Variants in DAB1 observed in about 807,000 individuals in gnomAD.
DAB1 encodes the protein DAB adaptor protein 1.
A neutral mutation model predicts 64.6 loss-of-function variants in DAB1; 15 were observed. The ratio of observed to expected loss-of-function variants is 0.23; its 90% CI spans 0.16 to 0.36. The LOEUF is 0.36. DAB1 is among the 10% of genes least tolerant of loss of function. The probability of loss-of-function intolerance (pLI) is 1.00; values close to 1 mark genes in which losing one functional copy is unlikely to be tolerated. For missense variants in DAB1, 596 were observed against 706.7 expected (o/e 0.84, Z 1.78); for synonymous variants, 235 against 251.9 (o/e 0.93, Z 0.64).
intron 6 of DAB1, among the ~76,000 whole-genome samples, chr1:57,707,932 G>C (rs1646987134): frequency 6.6e-6 from 1 of 152,004 alleles, no homozygotes; most frequent in Non-Finnish European, 1.5e-5. Flanking sequence ...TGGGTTACCA[G>C]GCAAAGTTAC....
chr1:57,797,425 ACTTCCCGT>A lies in DAB1; in HGVS notation n.551+86566_551+86573del, dbSNP rs781277485. On this transcript the variant is annotated intron_variant and non_coding_transcript_variant, in intron 6 of 20. Coordinates refer to the DAB1 transcript ENST00000485760. The stretch of plus-strand genomic sequence containing the variant: ...CTTTGCAAGTCAAGAGATTAATAAT[ACTTCCCGT>A]CTTTCTCTTCACGTTCTTCTATAAC... 2.2e-3 allele frequency among the ~76,000 whole-genome samples: 328 copies of A among 152,352 alleles called. 1 individual carries two copies. Among genetic ancestry groups the A allele is most frequent in the Non-Finnish European group, 3.9e-3 (268 of 68,036 alleles).
At chr1:58,354,655 A>G (rs1644092036) in intron 3 of DAB1, among the ~76,000 whole-genome samples, 1 of 152,182 alleles carries the variant, frequency 6.6e-6, no homozygotes, top group African/African-American at 2.4e-5. Context: ...CTAGGAGGAC[A>G]CAGAGGAGGA....
intron 7 of DAB1, among the ~76,000 whole-genome samples, chr1:57,485,770 G>C (rs79427710): frequency 0.012 from 1,902 of 152,338 alleles, 30 homozygotes; most frequent in African/African-American, 0.037. Context: ...CACTGGTGTA[G>C]AGCATGCACT....
chr1:57,365,997 A>G (rs1417600940), intron 1 of DAB1, among the ~76,000 whole-genome samples: 7 of 152,224 alleles, frequency 4.6e-5, no homozygotes, highest in Non-Finnish European at 1.0e-4. Flanking sequence ...ATCTCCTGAT[A>G]TATACAATAG....
chr1:57,011,756 CA>C (rs768840805), intron 12 of DAB1, among the ~76,000 whole-genome samples: 1 of 152,200 alleles, frequency 6.6e-6, no homozygotes, highest in South Asian at 2.1e-4. Context: ...ACTTTACAGA[CA>C]ATATCTCTAA....
chr1:58,409,685 C>T (rs1175283428), intron 3 of DAB1, among the ~76,000 whole-genome samples: 1 of 152,162 alleles, frequency 6.6e-6, no homozygotes, highest in African/African-American at 2.4e-5. Flanking sequence ...CCTCTCTAGA[C>T]CTCATTTTTA....
intron 9 of DAB1, among the ~76,000 whole-genome samples, chr1:57,027,695 T>C (rs1216931527): frequency 1.3e-5 from 2 of 152,212 alleles, no homozygotes. Context: ...CTTTCTTTGA[T>C]GTTTGGTTAA....
rs1044498534 is a variant in DAB1 at position 57,365,362 on chromosome 1, A to G, written c.-137+58568T>C. ...ATATATAAATATATATTTATATATT[A>G]TATATAATATATTTATATGTATTAC... On this transcript the variant is annotated intron_variant, in intron 1 of 14. Coordinates refer to ENST00000371236, the MANE Select transcript of DAB1 (RefSeq NM_001365792.1). Among the ~76,000 whole-genome samples, 7 of 143,738 alleles carry G rather than the reference A, an allele frequency of 4.9e-5. No individual in the cohort carries two copies. In the East Asian group the frequency reaches 7.9e-4, roughly 16 times the overall value. 94.3% of individuals were successfully genotyped at this position (143,738 alleles called of 152,430 possible).
intron 6 of DAB1, among the ~76,000 whole-genome samples, chr1:57,809,921 T>C (rs1032038797): frequency 6.6e-6 from 1 of 152,120 alleles, no homozygotes; most frequent in Non-Finnish European, 1.5e-5. Flanking sequence ...CAAAACCCCA[T>C]CTGACCCTGA....
chr1:57,999,253 C>G (rs1390788518), intron 5 of DAB1, among the ~76,000 whole-genome samples: 4 of 152,088 alleles, frequency 2.6e-5, no homozygotes, highest in Non-Finnish European at 4.4e-5. Context: ...ATGAACTGTA[C>G]AGTTTGGTGA....
intron 7 of DAB1, among the ~76,000 whole-genome samples, chr1:57,558,833 T>C (rs1185870933): frequency 6.6e-6 from 1 of 152,122 alleles, no homozygotes; most frequent in Non-Finnish European, 1.5e-5. Context: ...CTTAGCGAGA[T>C]TGGGATGGTG....
chr1:57,583,295 T>C (rs989356508), intron 7 of DAB1, among the ~76,000 whole-genome samples: 36 of 150,784 alleles, frequency 2.4e-4, no homozygotes, highest in Non-Finnish European at 4.0e-4. Context: ...CTTTTCTTTT[T>C]TTTTTTTTTT....
At chr1:57,678,998 T>G (rs1341513712) in intron 6 of DAB1, among the ~76,000 whole-genome samples, 1 of 151,868 alleles carries the variant, frequency 6.6e-6, no homozygotes, top group African/African-American at 2.4e-5. Flanking sequence ...GTCTCGATCT[T>G]CTGACCTCGT....
At chr1:57,326,924 G>C (rs562541473) in intron 1 of DAB1, among the ~76,000 whole-genome samples, 78 of 138,378 alleles carry the variant, frequency 5.6e-4, no homozygotes, top group Non-Finnish European at 5.0e-4. Context: ...TTCATACACA[G>C]AGCACTATTA....
At chr1:57,962,905 C>T (rs1191584514) in intron 5 of DAB1, among the ~76,000 whole-genome samples, 3 of 151,442 alleles carry the variant, frequency 2.0e-5, no homozygotes, top group Non-Finnish European at 4.4e-5. Flanking sequence ...AAAATAAAAA[C>T]CTCAAGAGCC....
At chr1:57,733,958 T>C (rs1647560551) in intron 6 of DAB1, among the ~76,000 whole-genome samples, 1 of 152,124 alleles carries the variant, frequency 6.6e-6, no homozygotes, top group South Asian at 2.1e-4. Context: ...GGGCATTTCC[T>C]TGGGACTCAG....
chr1:57,056,868 GA>G (rs958413277), intron 9 of DAB1, among the ~76,000 whole-genome samples: 60 of 143,536 alleles, frequency 4.2e-4, no homozygotes, highest in South Asian at 2.2e-3. Context: ...TGTCTCAAAG[GA>G]AAAAAAAAAA....
At chr1:58,537,955 G>C (rs11808438) in intron 1 of DAB1, among the ~76,000 whole-genome samples, 20,406 of 152,068 alleles carry the variant, frequency 0.13, 1,478 homozygotes, top group African/African-American at 0.19. Context: ...AAGAGCATCC[G>C]AAGAACCTGG....
At chr1:58,143,642 T>C (rs927002833) in intron 5 of DAB1, among the ~76,000 whole-genome samples, 17 of 152,278 alleles carry the variant, frequency 1.1e-4, no homozygotes, top group African/African-American at 4.1e-4. Flanking sequence ...GGATTCAATA[T>C]AAAGCAGGTC....
Sources: gnomAD v4.1 joint callset for allele counts (sites outside exome capture counted in the v4.1 genomes callset) on GRCh38, gnomAD v4.1.1 for gene constraint, MANE v1.5 for transcripts, NCBI Gene and HGNC (gene_info 2026-07-23, HGNC 2026-07-21) for gene names.